Variants in THAP11 observed in about 807,000 individuals in gnomAD.
THAP11 encodes the protein THAP domain containing 11.
In THAP11, 8 loss-of-function variants were observed where a neutral mutation model predicts 24.1. The ratio of observed to expected loss-of-function variants is 0.33; its 90% CI spans 0.20 to 0.60. The LOEUF (loss-of-function observed/expected upper bound fraction) is 0.60, where lower values mean the gene tolerates loss of function less well. Among genes scored for constraint, THAP11 ranks in the 20% least tolerant of loss-of-function variants. The probability of loss-of-function intolerance (pLI) is 0.82; values close to 1 mark genes in which losing one functional copy is unlikely to be tolerated. For missense variants in THAP11, 276 were observed against 418.4 expected, an observed-to-expected ratio of 0.66 and a Z score of 2.97; for synonymous variants, 222 against 180.2, an observed-to-expected ratio of 1.23 and a Z score of -1.86.
rs989380938 is a variant in THAP11, at chr16:67,842,356, G to GGCGGC, written c.-189_-185dup. ...CCGAGCGCAGGCGGGCAGCCAGGCG[G>GGCGGC]GCGGCGCGGCGCGGGCCGGCAGGAA... On this transcript the variant is annotated 5_prime_UTR_variant, in exon 1 of 1. Coordinates refer to ENST00000303596, the MANE Select transcript of THAP11 (RefSeq NM_020457.3). This position sits in a 1 kb window ranked among gnomAD's most constrained non-coding sequence, Gnocchi z 4.9. The GGCGGC allele has an allele frequency of 4.6e-6, 1 of 217,924 alleles. No homozygotes were observed. The highest frequency in any genetic ancestry group is 2.3e-5 in the African/African-American group (1 of 42,936). The allele number at this position is 217,924 out of a possible 1,614,324, so 13.5% of individuals were successfully genotyped here.
rs2057782669 is a variant in THAP11, at chr16:67,844,161, T to G, written c.*662T>G. On this transcript the variant is annotated 3_prime_UTR_variant, in exon 1 of 1. Transcript: ENST00000303596. Reference sequence around the variant, plus strand: ...GACTAAAGTTTTCACTGTGTTTGTTTGGCAAAACAAATTAAACAAAAAGTA... The same window carrying G: ...GACTAAAGTTTTCACTGTGTTTGTTGGGCAAAACAAATTAAACAAAAAGTA... 1 of 166,796 alleles carries G rather than the reference T, an allele frequency of 6.0e-6. No homozygotes were observed. Among genetic ancestry groups the G allele is most frequent in the Non-Finnish European group, 1.5e-5 (1 of 68,130 alleles). 10.3% of individuals were successfully genotyped at this position (166,796 alleles called of 1,614,324 possible).
chr16:67,842,862 G>GGCAGCGGCAGCA lies in THAP11; in HGVS notation c.313_314insGGCAGCAGCAGC (p.Gln104_Gln105insArgGlnGlnGln), dbSNP rs2057771593. ...GCTGGGGCCGCGGCCGCCCGCCGCA[G>GGCAGCGGCAGCA]GCAGCAGCAGCAACAGCAGCAGCAG... is the stretch of plus-strand genomic sequence containing the variant. On this transcript the variant is annotated inframe_insertion, in exon 1 of 1. Coordinates refer to ENST00000303596, the MANE Select transcript of THAP11 (RefSeq NM_020457.3). This position sits in a 1 kb window ranked among gnomAD's most constrained non-coding sequence, Gnocchi z 4.9. 1 of 1,607,784 alleles carries GGCAGCGGCAGCA rather than the reference G, an allele frequency of 6.2e-7. No homozygotes were observed. Among genetic ancestry groups the GGCAGCGGCAGCA allele is most frequent in the African/African-American group, 1.3e-5 (1 of 74,474 alleles).
In THAP11 at chr16:67,842,850, C is replaced by A; in HGVS notation, c.296C>A (p.Ala99Asp). ...GCGCGCAGACCCGCTGGGGCCGCGG[C>A]CGCCCGCCGCAGGCAGCAGCAGCAA... ...KVARRPAGAA[A>D]ARRRQQQQQQ... The change falls in exon 1 of 1, where the codon GCC becomes GAC. Residue 99 changes from alanine (A) to aspartate (D), a missense_variant. By Grantham distance (126) the Ala-to-Asp change is moderately radical (BLOSUM62 -2). This residue lies in a region of THAP11 where 210 missense variants were observed against 203.4 expected (regional missense o/e 1.03). Coordinates refer to ENST00000303596, the MANE Select transcript of THAP11 (RefSeq NM_020457.3). The surrounding 1 kb of genome is among the most constrained non-coding windows in gnomAD (Gnocchi z 4.9). 6.2e-7 allele frequency: 1 copy of A among 1,607,234 alleles called. No homozygotes were observed. The highest frequency in any genetic ancestry group is 1.3e-5 in the African/African-American group (1 of 74,786).
At position 67,842,920 on chromosome 16, in the gene THAP11, A is replaced by ACAGCAGCAGCAGCAG. The variant is rs377516180; in HGVS notation, c.382_396dup (p.Gln128_Gln132dup). ...AGCAGCAACAGCAGCAGCAGCAGCA[A>ACAGCAGCAGCAGCAG]CAGCAGCAGCAGCAGCAGCAGCAGC... On this transcript the variant is annotated inframe_insertion, in exon 1 of 1. Transcript: ENST00000303596. This position sits in a 1 kb window ranked among gnomAD's most constrained non-coding sequence, Gnocchi z 4.9. 2.0e-4 allele frequency: 312 copies of ACAGCAGCAGCAGCAG among 1,579,916 alleles called. No individual in the cohort carries two copies. In the East Asian group the frequency reaches 5.0e-3, roughly 25 times the overall value.
chr16:67,842,344 G>C lies in THAP11; in HGVS notation c.-211G>C, dbSNP rs535020663. 1.0e-5 allele frequency: 2 copies of C among 197,482 alleles called. No individual in the cohort carries two copies. The highest frequency in any genetic ancestry group is 1.2e-4 in the Admixed American group (2 of 16,432). 12.2% of individuals were successfully genotyped at this position (197,482 alleles called of 1,614,324 possible). On this transcript the variant is annotated 5_prime_UTR_variant, in exon 1 of 1. Transcript: ENST00000303596. The surrounding 1 kb of genome is among the most constrained non-coding windows in gnomAD (Gnocchi z 4.9). ...CGGGGCCCACTCCCGAGCGCAGGCG[G>C]GCAGCCAGGCGGGCGGCGCGGCGCG...
In THAP11 at chr16:67,843,664, G is replaced by C; in HGVS notation, c.*165G>C. 3 of 680,788 alleles carry C rather than the reference G, an allele frequency of 4.4e-6. No homozygotes were observed. Among genetic ancestry groups the C allele is most frequent in the Non-Finnish European group, 7.4e-6 (3 of 407,404 alleles). The allele number at this position is 680,788 out of a possible 1,614,324, so 42.2% of individuals were successfully genotyped here. On this transcript the variant is annotated 3_prime_UTR_variant, in exon 1 of 1. Coordinates refer to ENST00000303596, the MANE Select transcript of THAP11 (RefSeq NM_020457.3). This position sits in a 1 kb window ranked among gnomAD's most constrained non-coding sequence, Gnocchi z 5.7. ...CTGGCATCCTCAATTGTTTCCTCCT[G>C]AAGTGGAAGCTGGGGCCTTAGACTC...
In THAP11 at chr16:67,842,725, C is replaced by A. The variant is rs779000927; in HGVS notation, c.171C>A (p.Gly57=). ...TCTCCACCTTCCAGCCCACCACAGG[C>A]CACCGTCTCTGCAGCGTTCACTTCC... ...GCFSTFQPTT[G]HRLCSVHFQG... is the part of the protein sequence containing the mutation. The change falls in exon 1 of 1, where the codon GGC becomes GGA. Residue 57 remains glycine (G), a synonymous_variant. Transcript: ENST00000303596. The surrounding 1 kb of genome is among the most constrained non-coding windows in gnomAD (Gnocchi z 4.9). The A allele has an allele frequency of 2.5e-6, 4 of 1,606,538 alleles. No homozygotes were observed. The South Asian group carries it at 4.4e-5, about 18-fold the overall frequency.
At position 67,843,160 on chromosome 16, in the gene THAP11, AGCCGCTGCG is replaced by A. The variant is rs1162484466; in HGVS notation, c.612_620del (p.Ala206_Ala208del). ...TGGAGTTTGCAGCCGCAGAGGGCGC[AGCCGCTGCG>A]GCCGCCGCGTCGGAGTTACAGGCTG... is the stretch of plus-strand genomic sequence containing the variant. On this transcript the variant is annotated inframe_deletion, in exon 1 of 1. Transcript: ENST00000303596. The surrounding 1 kb of genome is among the most constrained non-coding windows in gnomAD (Gnocchi z 5.7). The A allele has an allele frequency of 4.3e-6, 7 of 1,609,514 alleles. No homozygotes were observed. In the Admixed American group the frequency reaches 1.2e-4, roughly 27 times the overall value.
At position 67,843,516 on chromosome 16, in the gene THAP11, C is replaced by A; in HGVS notation, c.*17C>A. ...GGAATGTGAACTGGTGCCCCGGCAG[C>A]CTGCTGGACTCCCAGACCCCATCCA... On this transcript the variant is annotated 3_prime_UTR_variant, in exon 1 of 1. Transcript: ENST00000303596. This position sits in a 1 kb window ranked among gnomAD's most constrained non-coding sequence, Gnocchi z 5.7. 6.3e-7 allele frequency: 1 copy of A among 1,592,882 alleles called. No homozygotes were observed. The highest frequency in any genetic ancestry group is 8.6e-7 in the Non-Finnish European group (1 of 1,168,944).
chr16:67,844,185 TA>T lies in THAP11; in HGVS notation c.*688del, dbSNP rs1326110695. ...TTGGCAAAACAAATTAAACAAAAAG[TA>T]AGGTTTTTATTTGGGTCTCGCCATT... On this transcript the variant is annotated 3_prime_UTR_variant, in exon 1 of 1. Coordinates refer to ENST00000303596, the MANE Select transcript of THAP11 (RefSeq NM_020457.3). The T allele has an allele frequency of 1.8e-5, 3 of 166,638 alleles. No homozygotes were observed. The highest frequency in any genetic ancestry group is 7.2e-5 in the African/African-American group (3 of 41,448). The allele number at this position is 166,638 out of a possible 1,614,324, so 10.3% of individuals were successfully genotyped here.
chr16:67,842,920 ACAGCAGCAGCAGCAGCAG>A lies in THAP11; in HGVS notation c.379_396del (p.Gln127_Gln132del), dbSNP rs377516180. The A allele has an allele frequency of 6.1e-5, 96 of 1,579,818 alleles. No homozygotes were observed. The highest frequency in any genetic ancestry group is 1.7e-4 in the Middle Eastern group (1 of 5,930). On this transcript the variant is annotated inframe_deletion, in exon 1 of 1. Transcript: ENST00000303596. This position sits in a 1 kb window ranked among gnomAD's most constrained non-coding sequence, Gnocchi z 4.9. ...AGCAGCAACAGCAGCAGCAGCAGCA[ACAGCAGCAGCAGCAGCAG>A]CAGCAGCAGCAGTCCTCACCCTCTG...
Position 67,843,146 on chromosome 16 carries a change from G to A in THAP11, c.592G>A (p.Ala198Thr). The change falls in exon 1 of 1, where the codon GCC becomes ACC. Residue 198 changes from alanine to threonine, a missense_variant. Ala to Thr is a moderately conservative substitution (Grantham distance 58). This residue lies in a region of THAP11 where 210 missense variants were observed against 203.4 expected (regional missense o/e 1.03). Coordinates refer to ENST00000303596, the MANE Select transcript of THAP11 (RefSeq NM_020457.3). This position sits in a 1 kb window ranked among gnomAD's most constrained non-coding sequence, Gnocchi z 5.7. ...TCTCACAGTGCAAGTGGAGTTTGCA[G>A]CCGCAGAGGGCGCAGCCGCTGCGGC... ...IDLTVQVEFA[A>T]AEGAAAAAAA... The A allele has an allele frequency of 6.2e-7, 1 of 1,609,476 alleles. No individual in the cohort carries two copies. The highest frequency in any genetic ancestry group is 1.3e-5 in the African/African-American group (1 of 75,012).
In THAP11 at chr16:67,842,366, C is replaced by T; in HGVS notation, c.-189C>T. The stretch of plus-strand genomic sequence containing the variant: ...GCGGGCAGCCAGGCGGGCGGCGCGG[C>T]GCGGGCCGGCAGGAAGCGTATTCTG... On this transcript the variant is annotated 5_prime_UTR_variant, in exon 1 of 1. Transcript: ENST00000303596. This position sits in a 1 kb window ranked among gnomAD's most constrained non-coding sequence, Gnocchi z 4.9. The T allele has an allele frequency of 4.1e-6, 1 of 244,658 alleles. No individual in the cohort carries two copies. Among genetic ancestry groups the T allele is most frequent in the Admixed American group, 5.9e-5 (1 of 16,964 alleles). 15.2% of individuals were successfully genotyped at this position (244,658 alleles called of 1,614,324 possible). A position where few individuals can be genotyped will look rare whatever the true frequency, so the allele number is the denominator to read the frequency against.
At position 67,842,496 on chromosome 16, in the gene THAP11, A is replaced by C; in HGVS notation, c.-59A>C. ...TCGAGGGGCGGGCGGCGGCGTAGCC[A>C]CTGGGCCGTCGAAGAGCGCAGGAGG... On this transcript the variant is annotated 5_prime_UTR_variant, in exon 1 of 1. Coordinates refer to ENST00000303596, the MANE Select transcript of THAP11 (RefSeq NM_020457.3). The surrounding 1 kb of genome is among the most constrained non-coding windows in gnomAD (Gnocchi z 4.9). 5.1e-6 allele frequency: 7 copies of C among 1,363,870 alleles called. No homozygotes were observed. The highest frequency in any genetic ancestry group is 1.5e-5 in the African/African-American group (1 of 65,782). 84.5% of individuals were successfully genotyped at this position (1,363,870 alleles called of 1,614,324 possible).
In THAP11 at chr16:67,842,902, ACAGCAGCAGCAGCAGCAACAG is replaced by A. The variant is rs766753650; in HGVS notation, c.366_386del (p.Gln126_Gln132del). On this transcript the variant is annotated inframe_deletion, in exon 1 of 1. Coordinates refer to ENST00000303596, the MANE Select transcript of THAP11 (RefSeq NM_020457.3). The surrounding 1 kb of genome is among the most constrained non-coding windows in gnomAD (Gnocchi z 4.9). The stretch of plus-strand genomic sequence containing the variant: ...AGCAGCAGCAGCAGCAACAGCAGCA[ACAGCAGCAGCAGCAGCAACAG>A]CAGCAGCAGCAGCAGCAGCAGCAGC... The A allele has an allele frequency of 1.3e-3, 2,121 of 1,583,058 alleles. 7 individuals are homozygous for A. The African/African-American group carries it at 0.019, about 14-fold the overall frequency.
rs769061288 is a variant in THAP11, at chr16:67,843,078, C to T, written c.524C>T (p.Pro175Leu). ...DSSQAPGSVQ[P>L]APITPTGEDV... Reference sequence around the variant, plus strand: ...AGTCAGGCTCCGGGATCCGTACAGCCGGCGCCCATCACTCCCACTGGAGAA... The same window carrying T: ...AGTCAGGCTCCGGGATCCGTACAGCTGGCGCCCATCACTCCCACTGGAGAA... The change falls in exon 1 of 1, where the codon CCG becomes CTG. Residue 175 changes from proline to leucine, a missense_variant. This residue lies in a region of THAP11 where 210 missense variants were observed against 203.4 expected (regional missense o/e 1.03). Coordinates refer to ENST00000303596, the MANE Select transcript of THAP11 (RefSeq NM_020457.3). This position sits in a 1 kb window ranked among gnomAD's most constrained non-coding sequence, Gnocchi z 5.7. The T allele has an allele frequency of 8.7e-6, 14 of 1,611,390 alleles. No homozygotes were observed. The highest frequency in any genetic ancestry group is 1.2e-5 in the Non-Finnish European group (14 of 1,180,028).
chr16:67,843,148 C>T lies in THAP11; in HGVS notation c.594C>T (p.Ala198=). ...TCACAGTGCAAGTGGAGTTTGCAGCCGCAGAGGGCGCAGCCGCTGCGGCCG... is the reference window on the plus strand; with the variant it reads ...TCACAGTGCAAGTGGAGTTTGCAGCTGCAGAGGGCGCAGCCGCTGCGGCCG... ...IDLTVQVEFA[A]AEGAAAAAAA... Residue 198 remains alanine (A), a synonymous_variant, in exon 1 of 1, where the codon GCC becomes GCT. Transcript: ENST00000303596. The surrounding 1 kb of genome is among the most constrained non-coding windows in gnomAD (Gnocchi z 5.7). 6.2e-7 allele frequency: 1 copy of T among 1,609,176 alleles called. No homozygotes were observed. The highest frequency in any genetic ancestry group is 8.5e-7 in the Non-Finnish European group (1 of 1,179,316).
rs1191233752 is a variant in THAP11, at chr16:67,843,721, T to G, written c.*222T>G. 5.8e-6 allele frequency: 3 copies of G among 514,330 alleles called. No individual in the cohort carries two copies. Among genetic ancestry groups the G allele is most frequent in the Non-Finnish European group, 1.1e-5 (3 of 283,724 alleles). 31.9% of individuals were successfully genotyped at this position (514,330 alleles called of 1,614,324 possible). ...GGTGACACCAGCAATTATGACTTTG[T>G]CTACCCTTCCTCCCCAGTTATTGTT... On this transcript the variant is annotated 3_prime_UTR_variant, in exon 1 of 1. Coordinates refer to ENST00000303596, the MANE Select transcript of THAP11 (RefSeq NM_020457.3). The surrounding 1 kb of genome is among the most constrained non-coding windows in gnomAD (Gnocchi z 5.7).
In THAP11 at chr16:67,842,779, C is replaced by T. The variant is rs1443352955; in HGVS notation, c.225C>T (p.Arg75=). ...FQGGRKTYTV[R]VPTIFPLRGV... is the part of the protein sequence containing the mutation. ...GCGGCCGCAAGACCTACACGGTACGCGTCCCCACCATCTTCCCGCTGCGCG... is the reference window on the plus strand; with the variant it reads ...GCGGCCGCAAGACCTACACGGTACGTGTCCCCACCATCTTCCCGCTGCGCG... The change falls in exon 1 of 1, where the codon CGC becomes CGT. Residue 75 remains arginine (R), a synonymous_variant. Coordinates refer to ENST00000303596, the MANE Select transcript of THAP11 (RefSeq NM_020457.3). This position sits in a 1 kb window ranked among gnomAD's most constrained non-coding sequence, Gnocchi z 4.9. 1.2e-6 allele frequency: 2 copies of T among 1,610,952 alleles called. No homozygotes were observed. Among genetic ancestry groups the T allele is most frequent in the Non-Finnish European group, 1.7e-6 (2 of 1,178,896 alleles).
Sources: allele counts gnomAD v4.1 joint callset, GRCh38; gene constraint gnomAD v4.1.1; regional missense constraint gnomAD v4.1.1; non-coding constraint Gnocchi (gnomAD v3.1); transcripts MANE v1.5; gene names NCBI Gene and HGNC (gene_info 2026-07-23, HGNC 2026-07-21).